The following AGBL1 variants were observed in gnomAD, a reference collection of about 807,000 sequenced individuals.
AGBL1 encodes the protein cytosolic carboxypeptidase 4.
A neutral mutation model predicts 118.9 loss-of-function variants in AGBL1; 130 were observed. The ratio of observed to expected loss-of-function variants is 1.09; its 90% CI spans 0.95 to 1.26. AGBL1 has a LOEUF of 1.26. Ranked by LOEUF, AGBL1 falls within the 50% of genes most tolerant of loss-of-function variation. The pLI, the probability that AGBL1 is intolerant of heterozygous loss-of-function variation, is 0.00. For synonymous variants in AGBL1, 555 were observed against 478.9 expected (o/e 1.16, Z -2.08); for missense variants, 1,584 against 1,298.1 (o/e 1.22, Z -3.38).
At position 86,471,940 on chromosome 15, in the gene AGBL1, T is replaced by C. The variant is rs551645003; in HGVS notation, c.2556-50870T>C. Among the ~76,000 whole-genome samples, 7 of 152,194 alleles carry C rather than the reference T, an allele frequency of 4.6e-5. No individual in the cohort carries two copies. In the South Asian group the frequency reaches 1.0e-3, roughly 23 times the overall value. On this transcript the variant is annotated intron_variant, in intron 18 of 22. Coordinates refer to ENST00000614907, the MANE Select transcript of AGBL1 (RefSeq NM_001386094.1). ...ATGAGATTACCCTAGTTTATCTGAG[T>C]AAACCATAAATCCAATGACAAGTGT...
chr15:86,556,522 A>G (rs1427865804), intron 21 of AGBL1, among the ~76,000 whole-genome samples: 1 of 152,212 alleles, frequency 6.6e-6, no homozygotes, highest in Non-Finnish European at 1.5e-5. Context: ...AATCACAGGC[A>G]GTGATACTCA....
intron 22 of AGBL1, among the ~76,000 whole-genome samples, chr15:86,739,805 G>T (rs2077652030): frequency 6.6e-6 from 1 of 152,136 alleles, no homozygotes; most frequent in South Asian, 2.1e-4. Context: ...TAAACAGCAG[G>T]ATGGCAGAGA....
At chr15:86,316,940 T>C (rs2080021804) in intron 17 of AGBL1, 1 of 152,208 alleles carries the variant, frequency 6.6e-6, no homozygotes, top group South Asian at 2.1e-4. Context: ...TGCTCTTGTG[T>C]AGGATGATTG....
At chr15:86,793,028 G>A (rs1046451232) in intron 22 of AGBL1, among the ~76,000 whole-genome samples, 5 of 151,962 alleles carry the variant, frequency 3.3e-5, no homozygotes, top group Admixed American at 2.0e-4. Flanking sequence ...AATAGTAACC[G>A]TAGTTAATAT....
chr15:86,277,350 T>G (rs550254371), intron 15 of AGBL1, among the ~76,000 whole-genome samples: 3 of 151,140 alleles, frequency 2.0e-5, no homozygotes, highest in Non-Finnish European at 4.4e-5. Flanking sequence ...ATGTTGGTGG[T>G]GTGAGAAGAC....
intron 18 of AGBL1, among the ~76,000 whole-genome samples, chr15:86,491,162 G>A (rs1197845484): frequency 1.3e-5 from 2 of 151,998 alleles, no homozygotes; most frequent in African/African-American, 4.8e-5. Flanking sequence ...TACAGAAGAG[G>A]GTATTTTTCT....
intron 22 of AGBL1, among the ~76,000 whole-genome samples, chr15:86,827,702 GTCT>G (rs1321298510): frequency 2.1e-5 from 3 of 145,082 alleles, no homozygotes; most frequent in Non-Finnish European, 4.5e-5. Context: ...GGCAATATTT[GTCT>G]TCTTTGAGGA....
chr15:87,007,014 C>T (rs1462978070), intron 24 of AGBL1, among the ~76,000 whole-genome samples: 3 of 152,134 alleles, frequency 2.0e-5, no homozygotes, highest in Non-Finnish European at 4.4e-5. Context: ...AAGTCATGCT[C>T]TATCTGAATA....
At chr15:86,634,220 G>C (rs1296676909) in intron 21 of AGBL1, among the ~76,000 whole-genome samples, 1 of 152,142 alleles carries the variant, frequency 6.6e-6, no homozygotes, top group African/African-American at 2.4e-5. Flanking sequence ...GGGTGTATAT[G>C]CAAGAGAAGT....
intron 6 of AGBL1, among the ~76,000 whole-genome samples, chr15:86,238,625 G>A (rs2141969616): frequency 6.6e-6 from 1 of 152,238 alleles, no homozygotes; most frequent in South Asian, 2.1e-4. Flanking sequence ...GTGAGAAAAT[G>A]CTGTCAGTTA....
intron 17 of AGBL1, among the ~76,000 whole-genome samples, chr15:86,328,864 G>A (rs2141857772): frequency 6.6e-6 from 1 of 152,292 alleles, no homozygotes; most frequent in Non-Finnish European, 1.5e-5. Flanking sequence ...TCAGGACCAA[G>A]GACAGGACAC....
At chr15:87,001,506 G>A (rs2081436931) in intron 24 of AGBL1, among the ~76,000 whole-genome samples, 1 of 151,980 alleles carries the variant, frequency 6.6e-6, no homozygotes, top group Non-Finnish European at 1.5e-5. Flanking sequence ...GTAATGGGAT[G>A]GCTGGGACAA....
intron 1 of AGBL1, among the ~76,000 whole-genome samples, chr15:86,127,296 T>C (rs1269043445): frequency 6.6e-6 from 1 of 152,216 alleles, no homozygotes; most frequent in African/African-American, 2.4e-5. Flanking sequence ...ATATATAACA[T>C]TGTGTTTATT....
intron 22 of AGBL1, among the ~76,000 whole-genome samples, chr15:86,768,048 C>A (rs1163768924): frequency 6.6e-6 from 1 of 151,966 alleles, no homozygotes; most frequent in Non-Finnish European, 1.5e-5. Flanking sequence ...CTCATCACTG[C>A]AAGGTGTCTG....
At chr15:87,000,835 C>T (rs1037940510) in intron 24 of AGBL1, among the ~76,000 whole-genome samples, 9 of 147,328 alleles carry the variant, frequency 6.1e-5, no homozygotes, top group South Asian at 2.2e-4. Context: ...GCCACTTTCA[C>T]GATATTGATT....
chr15:86,550,154 G>A (rs183205875), intron 20 of AGBL1, among the ~76,000 whole-genome samples: 2 of 151,992 alleles, frequency 1.3e-5, no homozygotes, highest in African/African-American at 4.8e-5. Context: ...GGCCCAAAAA[G>A]AGAGGAAAAT....
Position 86,908,970 on chromosome 15 carries a change from C to G in AGBL1, c.*1676C>G, listed in dbSNP as rs557320444. ...GTCATGGCTGCATGGTGTCAGAGACCTGGCTTCTGCAGTTTTCTGGCTCTA... is the reference window on the plus strand; with the variant it reads ...GTCATGGCTGCATGGTGTCAGAGACGTGGCTTCTGCAGTTTTCTGGCTCTA... On this transcript the variant is annotated 3_prime_UTR_variant, in exon 23 of 23. Transcript: ENST00000614907. 3.9e-5 allele frequency: 6 copies of G among 152,166 alleles called. No homozygotes were observed. The highest frequency in any genetic ancestry group is 7.3e-5 in the Non-Finnish European group (5 of 68,040). 9.4% of individuals were successfully genotyped at this position (152,166 alleles called of 1,614,324 possible).
At chr15:86,582,741 C>T (rs943170226) in intron 21 of AGBL1, among the ~76,000 whole-genome samples, 1 of 151,926 alleles carries the variant, frequency 6.6e-6, no homozygotes, top group Non-Finnish European at 1.5e-5. Flanking sequence ...AACTATCATT[C>T]TCAGCAAACT....
intron 18 of AGBL1, among the ~76,000 whole-genome samples, chr15:86,504,471 T>G (rs769124064): frequency 7.0e-4 from 106 of 151,784 alleles, no homozygotes; most frequent in Non-Finnish European, 3.3e-4. Context: ...TCCATATTTC[T>G]ATGTGTTTTT....
Sources: allele counts gnomAD v4.1 joint callset (sites outside exome capture counted in the v4.1 genomes callset), GRCh38; gene constraint gnomAD v4.1.1; transcripts MANE v1.5; gene names NCBI Gene and HGNC (gene_info 2026-07-23, HGNC 2026-07-21).